MGST1: variants seen among roughly 807,000 people sequenced by gnomAD.
The protein encoded by MGST1 is microsomal glutathione S-transferase 1, also known as glutathione S-transferase 12.
MGST1 carries 5 observed loss-of-function variants against 8.9 expected under a neutral mutation model. The ratio of observed to expected loss-of-function variants is 0.56; its 90% CI spans 0.29 to 1.19. The LOEUF (loss-of-function observed/expected upper bound fraction) is 1.19. MGST1 is among the 50% of genes most tolerant of loss of function. The pLI, the probability that MGST1 is intolerant of heterozygous loss-of-function variation, is 0.08. For missense variants in MGST1, 182 were observed against 187.4 expected (o/e 0.97, Z 0.17); for synonymous variants, 54 against 67.8 (o/e 0.80, Z 1.00).
intron 2 of MGST1, among the ~76,000 whole-genome samples, chr12:16,355,254 G>T (rs1294979532): frequency 6.7e-6 from 1 of 149,772 alleles, no homozygotes; most frequent in East Asian, 2.0e-4. Flanking sequence ...TGTTGCCCAG[G>T]CTGGAGTGCA....
At chr12:16,491,833 G>T (rs545617291) in intron 4 of MGST1, among the ~76,000 whole-genome samples, 2 of 151,888 alleles carry the variant, frequency 1.3e-5, no homozygotes, top group Admixed American at 6.6e-5. Flanking sequence ...TTTCTTTTTG[G>T]TAATACCTTT....
chr12:16,551,932 G>A (rs1942004446), intron 4 of MGST1, among the ~76,000 whole-genome samples: 1 of 151,880 alleles, frequency 6.6e-6, no homozygotes, highest in Non-Finnish European at 1.5e-5. Context: ...TTTGTTTGTG[G>A]CAAGTTCACC....
downstream of MGST1, among the ~76,000 whole-genome samples, chr12:16,365,598 T>C (rs1450804657): frequency 6.6e-6 from 1 of 152,202 alleles, no homozygotes; most frequent in African/African-American, 2.4e-5. Context: ...CTTTTCCTAA[T>C]GTTAAAAAGC....
chr12:16,400,730 T>C, intron 1 of MGST1: 1 of 1,311,186 alleles, frequency 7.6e-7, no homozygotes, highest in Non-Finnish European at 1.1e-6. Flanking sequence ...CAAGTAAGTA[T>C]AATCTCCTTC....
At chr12:16,457,504 C>T (rs543198035) in intron 4 of MGST1, among the ~76,000 whole-genome samples, 19 of 151,916 alleles carry the variant, frequency 1.3e-4, no homozygotes, top group Admixed American at 9.2e-4. Context: ...AGTTGACTTC[C>T]GTGATATTTA....
At chr12:16,416,641 G>T (rs182983675) in intron 1 of MGST1, among the ~76,000 whole-genome samples, 1 of 152,134 alleles carries the variant, frequency 6.6e-6, no homozygotes, top group Non-Finnish European at 1.5e-5. Context: ...CCTCCCAAAG[G>T]CCCCATCTCC....
downstream of MGST1, among the ~76,000 whole-genome samples, chr12:16,366,652 CACACACACACACAT>C (rs749031961): frequency 0.025 from 2,213 of 87,584 alleles, 27 homozygotes; most frequent in Middle Eastern, 0.071. This position sits in a 1 kb window ranked among gnomAD's most constrained non-coding sequence, Gnocchi z 4.0. Context: ...CACACACACA[CACACACACACACAT>C]ACACACACAC....
rs1437602491 is a variant in MGST1 at position 16,399,300 on chromosome 12, G to A, written n.778+15696G>A. On this transcript the variant is annotated intron_variant and non_coding_transcript_variant, in intron 1 of 1. Coordinates refer to the MGST1 transcript ENST00000359720. ...TTACTTCCTCTTTTTCTTGGGGGGT[G>A]CAGAGCTGTGTGTGGAACCATGGTT... 17 of 1,606,162 alleles carry A rather than the reference G, an allele frequency of 1.1e-5. No homozygotes were observed. The East Asian group carries it at 3.6e-4, about 34-fold the overall frequency.
At chr12:16,376,715 A>G (rs1940385996) in exon 4 of MGST1, 1 of 152,188 alleles carries the variant, frequency 6.6e-6, no homozygotes, top group South Asian at 2.1e-4. Context: ...AGAATATTTA[A>G]TATTAATGAA....
At chr12:16,400,259 G>A (rs1940642986) in intron 1 of MGST1, 1 of 827,368 alleles carries the variant, frequency 1.2e-6, no homozygotes, top group Non-Finnish European at 2.1e-6. Context: ...GCATTCTTGA[G>A]GTGAAAATGC....
Position 16,487,425 on chromosome 12 carries a change from C to CT in MGST1, n.483-102097dup, listed in dbSNP as rs147551191. 8.6e-3 allele frequency among the ~76,000 whole-genome samples: 1,312 copies of CT among 152,144 alleles called. 56 individuals are homozygous for CT. In the East Asian group the frequency reaches 0.15, roughly 17 times the overall value. On this transcript the variant is annotated intron_variant and non_coding_transcript_variant, in intron 4 of 4. Transcript: ENST00000538857. ...AAAAGAAGAAAGACTCTCCAACTAA[C>CT]TTTTTTAACAGATTAGCATATTTTG... is the stretch of plus-strand genomic sequence containing the variant.
chr12:16,511,374 C>T (rs1941576459), intron 4 of MGST1, among the ~76,000 whole-genome samples: 1 of 152,216 alleles, frequency 6.6e-6, no homozygotes, highest in African/African-American at 2.4e-5. Flanking sequence ...CATTCGGCTC[C>T]TGAAGGATTA....
rs1257144227 is a variant in MGST1 at position 16,560,364 on chromosome 12, G to A, written n.483-29164G>A. ...TTTCCACCTATTAAATAAATAGCCA[G>A]CACAGAGAGGTTAACCATTTCTTAG... On this transcript the variant is annotated intron_variant and non_coding_transcript_variant, in intron 4 of 4. Coordinates refer to the MGST1 transcript ENST00000538857. The surrounding 1 kb of genome is among the most constrained non-coding windows in gnomAD (Gnocchi z 5.0). 1 of 1,581,136 alleles carries A rather than the reference G, an allele frequency of 6.3e-7. No individual in the cohort carries two copies. The highest frequency in any genetic ancestry group is 1.8e-5 in the Admixed American group (1 of 55,210).
intron 1 of MGST1, chr12:16,348,952 C>CCTTA (rs1301259840): frequency 6.6e-6 from 1 of 152,070 alleles, no homozygotes; most frequent in East Asian, 1.9e-4. Context: ...CAGAGAAAGG[C>CCTTA]CTTACCCCAC....
downstream of MGST1, among the ~76,000 whole-genome samples, chr12:16,378,520 A>G (rs1272531479): frequency 6.6e-6 from 1 of 152,072 alleles, no homozygotes; most frequent in African/African-American, 2.4e-5. Flanking sequence ...CTGTTTTGGT[A>G]CCAGTACCAT....
rs1940761019 is a variant in MGST1, at chr12:16,413,652, T to C, written n.779-23736T>C. On this transcript the variant is annotated intron_variant and non_coding_transcript_variant, in intron 1 of 1. Transcript: ENST00000359720. The surrounding 1 kb of genome is among the most constrained non-coding windows in gnomAD (Gnocchi z 4.0). ...ATCTCAATTTTCTCATTTACCCTTA[T>C]TTTTTTCCATACATTCTCAAGGAAG... Among the ~76,000 whole-genome samples, 1 of 152,184 alleles carries C rather than the reference T, an allele frequency of 6.6e-6. No individual in the cohort carries two copies. The highest frequency in any genetic ancestry group is 2.4e-5 in the African/African-American group (1 of 41,452).
Position 16,413,996 on chromosome 12 carries a change from C to T in MGST1, n.779-23392C>T, listed in dbSNP as rs933368336. Among the ~76,000 whole-genome samples the T allele has an allele frequency of 6.5e-4, 99 of 151,960 alleles. No individual in the cohort carries two copies. The highest frequency in any genetic ancestry group is 2.3e-3 in the African/African-American group (94 of 41,384). On this transcript the variant is annotated intron_variant and non_coding_transcript_variant, in intron 1 of 1. Transcript: ENST00000359720. This position sits in a 1 kb window ranked among gnomAD's most constrained non-coding sequence, Gnocchi z 4.0. ...AGAATAAATATAAGTTTTGTAGAAA[C>T]TGTAGAATCAACAACTAAGTATTAT...
chr12:16,430,613 AT>A (rs35209608), intron 1 of MGST1, among the ~76,000 whole-genome samples: 7 of 151,060 alleles, frequency 4.6e-5, no homozygotes, highest in Non-Finnish European at 7.4e-5. Flanking sequence ...TTTGAAAGAA[AT>A]TTTTTTTTTC....
At chr12:16,449,330 G>A (rs963861956) in intron 4 of MGST1, among the ~76,000 whole-genome samples, 5 of 151,728 alleles carry the variant, frequency 3.3e-5, no homozygotes, top group Admixed American at 1.3e-4. Flanking sequence ...ATCTGATCTC[G>A]AGTAAACCCA....
Sources: gnomAD v4.1 joint callset for allele counts (sites outside exome capture counted in the v4.1 genomes callset) on GRCh38, gnomAD v4.1.1 for gene constraint, Gnocchi (gnomAD v3.1) non-coding constraint, MANE v1.5 for transcripts, NCBI Gene and HGNC (gene_info 2026-07-23, HGNC 2026-07-21) for gene names.